The following PDE4D variants were observed in gnomAD, a reference collection of about 807,000 sequenced individuals.
PDE4D encodes the protein phosphodiesterase 4D.
Under a neutral mutation model 87.4 loss-of-function variants are expected in PDE4D, and 24 were observed. The ratio of observed to expected loss-of-function variants is 0.27; its 90% CI spans 0.20 to 0.39. PDE4D has a LOEUF of 0.39. Among genes scored for constraint, PDE4D ranks in the 10% least tolerant of loss-of-function variants. The pLI is 1.00. For missense variants in PDE4D, 714 were observed against 1,041.0 expected (o/e 0.69, Z 4.32); for synonymous variants, 384 against 383.2 (o/e 1.00, Z -0.02).
intron 1 of PDE4D, among the ~76,000 whole-genome samples, chr5:59,279,407 A>G (rs1198386914): frequency 1.3e-5 from 2 of 152,072 alleles, no homozygotes; most frequent in Admixed American, 6.6e-5. Flanking sequence ...GGCAATTTCT[A>G]GAGGTTTCTT....
chr5:59,840,854 T>C (rs1478479734), intron 1 of PDE4D, among the ~76,000 whole-genome samples: 1 of 152,090 alleles, frequency 6.6e-6, no homozygotes, highest in Non-Finnish European at 1.5e-5. Flanking sequence ...TAGAAGGTAA[T>C]TCCATTTTGG....
chr5:59,109,010 G>T (rs1772153140), intron 5 of PDE4D, among the ~76,000 whole-genome samples: 1 of 145,200 alleles, frequency 6.9e-6, no homozygotes, highest in African/African-American at 2.6e-5. Context: ...TGTGGTGTAG[G>T]CCTGCCTATC....
At chr5:59,945,213 T>C (rs888723530) in intron 3 of PDE4D, among the ~76,000 whole-genome samples, 6 of 152,230 alleles carry the variant, frequency 3.9e-5, no homozygotes, top group African/African-American at 7.2e-5. Flanking sequence ...GAATAAATGG[T>C]TGAAATGGCA....
At chr5:59,466,433 G>T (rs114867021) in intron 1 of PDE4D, among the ~76,000 whole-genome samples, 1,674 of 152,226 alleles carry the variant, frequency 0.011, 30 homozygotes, top group African/African-American at 0.039. Context: ...ATGAGGCTGG[G>T]TTCAATGCTC....
chr5:59,674,684 A>G (rs1747773678), intron 1 of PDE4D, among the ~76,000 whole-genome samples: 1 of 152,192 alleles, frequency 6.6e-6, no homozygotes. Flanking sequence ...GGCATTATTC[A>G]TCAACACATC....
chr5:59,430,663 A>G (rs569204136), intron 1 of PDE4D: 1 of 298,940 alleles, frequency 3.3e-6, no homozygotes, highest in Admixed American at 5.1e-5. Flanking sequence ...TCATGCTCTG[A>G]CCAATTATTG....
At chr5:60,188,577 A>G (rs1247122001) in intron 1 of PDE4D, among the ~76,000 whole-genome samples, 1 of 152,118 alleles carries the variant, frequency 6.6e-6, no homozygotes, top group African/African-American at 2.4e-5. Context: ...AAGCCCCCCA[A>G]GGTAGGGCAG....
At chr5:60,176,808 C>T (rs1303835703) in intron 2 of PDE4D, among the ~76,000 whole-genome samples, 5 of 152,056 alleles carry the variant, frequency 3.3e-5, no homozygotes, top group Non-Finnish European at 5.9e-5. Context: ...CTTTGCATAA[C>T]GCTGTAAAAG....
At chr5:59,136,289 C>T (rs1295719942) in intron 5 of PDE4D, among the ~76,000 whole-genome samples, 1 of 152,102 alleles carries the variant, frequency 6.6e-6, no homozygotes, top group Non-Finnish European at 1.5e-5. Context: ...GAAATACAAG[C>T]ATTTCTTGTG....
At chr5:59,880,747 T>C (rs6868567) in intron 1 of PDE4D, among the ~76,000 whole-genome samples, 10,671 of 152,236 alleles carry the variant, frequency 0.07, 1,302 homozygotes, top group African/African-American at 0.24. Context: ...AGGGAGTAAA[T>C]GGCAATGCAC....
intron 1 of PDE4D, among the ~76,000 whole-genome samples, chr5:59,316,999 T>C (rs1408502911): frequency 1.3e-5 from 2 of 152,194 alleles, no homozygotes; most frequent in African/African-American, 2.4e-5. Context: ...CTGTGGTCTC[T>C]CCAGAGGTGG....
At chr5:59,434,911 G>T (rs1238044760) in intron 1 of PDE4D, among the ~76,000 whole-genome samples, 2 of 152,098 alleles carry the variant, frequency 1.3e-5, no homozygotes, top group Admixed American at 1.3e-4. Flanking sequence ...CACTGTGGTT[G>T]GCAGGTTGAC....
At chr5:59,120,464 G>A (rs1774295039) in intron 5 of PDE4D, among the ~76,000 whole-genome samples, 1 of 151,830 alleles carries the variant, frequency 6.6e-6, no homozygotes, top group Admixed American at 6.6e-5. Flanking sequence ...AAATCAACAA[G>A]ACACAATGTA....
At chr5:60,443,274 T>A (rs547286479) in intron 1 of PDE4D, among the ~76,000 whole-genome samples, 117 of 151,348 alleles carry the variant, frequency 7.7e-4, no homozygotes, top group African/African-American at 2.8e-3. Flanking sequence ...TGGTCATAGG[T>A]CATTCAAGAA....
Position 59,001,962 on chromosome 5 carries a change from C to T in PDE4D, c.922-8497G>A, listed in dbSNP as rs566858250. Reference sequence around the variant, plus strand: ...CATCTAGCTGAATCCTTGAGTAACCCGGCATGTTCCCCTATACGGCATCAC... The same window carrying T: ...CATCTAGCTGAATCCTTGAGTAACCTGGCATGTTCCCCTATACGGCATCAC... On this transcript the variant is annotated intron_variant, in intron 6 of 14. Coordinates refer to ENST00000340635, the MANE Select transcript of PDE4D (RefSeq NM_001104631.2). 9 of 451,820 alleles carry T rather than the reference C, an allele frequency of 2.0e-5. No homozygotes were observed. In the East Asian group the frequency reaches 2.4e-4, roughly 12 times the overall value. 28.0% of individuals were successfully genotyped at this position (451,820 alleles called of 1,614,324 possible).
Position 60,004,859 on chromosome 5 carries a change from G to A in PDE4D, c.43-16142C>T, listed in dbSNP as rs1012762795. On this transcript the variant is annotated intron_variant, in intron 2 of 16. Coordinates refer to the PDE4D transcript ENST00000502484. ...ACGCTTGTAGCACTGCGGTGAAAACGTAAATTGGTAACTCCATTATGGAAA... is the reference window on the plus strand; with the variant it reads ...ACGCTTGTAGCACTGCGGTGAAAACATAAATTGGTAACTCCATTATGGAAA... Among the ~76,000 whole-genome samples, 3 of 152,088 alleles carry A rather than the reference G, an allele frequency of 2.0e-5. No individual in the cohort carries two copies. In the South Asian group the frequency reaches 6.2e-4, roughly 32 times the overall value.
At chr5:59,838,159 GGAA>G (rs1402156995) in intron 1 of PDE4D, among the ~76,000 whole-genome samples, 2 of 151,940 alleles carry the variant, frequency 1.3e-5, no homozygotes, top group Admixed American at 1.3e-4. Flanking sequence ...TGATGATACT[GGAA>G]GAAGGAGAGT....
chr5:60,370,175 G>A (rs1760901081), intron 1 of PDE4D, among the ~76,000 whole-genome samples: 1 of 152,132 alleles, frequency 6.6e-6, no homozygotes, highest in Non-Finnish European at 1.5e-5. Flanking sequence ...CACAAGGCCA[G>A]CTCCTGCCCC....
At chr5:60,422,564 C>T (rs1332215720) in intron 1 of PDE4D, among the ~76,000 whole-genome samples, 3 of 152,202 alleles carry the variant, frequency 2.0e-5, no homozygotes, top group Non-Finnish European at 2.9e-5. Context: ...TGGAAAGGAA[C>T]AACTGGTACC....
Sources: gnomAD v4.1 joint callset for allele counts (sites outside exome capture counted in the v4.1 genomes callset) on GRCh38, gnomAD v4.1.1 for gene constraint, MANE v1.5 for transcripts, NCBI Gene and HGNC (gene_info 2026-07-23, HGNC 2026-07-21) for gene names.